PARD3B: variants seen among roughly 807,000 people sequenced by gnomAD.
The protein encoded by PARD3B is par-3 family cell polarity regulator beta.
PARD3B carries 103 observed loss-of-function variants against 130.2 expected under a neutral mutation model. That is an observed-to-expected ratio of 0.79 (90% CI 0.67 to 0.93). The LOEUF is 0.93. Ranked by LOEUF, PARD3B falls within the 40% of genes least tolerant of loss-of-function variation. The pLI, the probability that PARD3B is intolerant of heterozygous loss-of-function variation, is 0.00. For missense variants in PARD3B, 1,609 were observed against 1,499.2 expected, an observed-to-expected ratio of 1.07 and a Z score of -1.21; for synonymous variants, 583 against 553.2, an observed-to-expected ratio of 1.05 and a Z score of -0.76.
chr2:204,681,395 C>T (rs1292556093), intron 1 of PARD3B, among the ~76,000 whole-genome samples: 3 of 152,028 alleles, frequency 2.0e-5, no homozygotes, highest in African/African-American at 4.8e-5. Flanking sequence ...ACTCCGGGTC[C>T]CATTCTAGTT....
intron 1 of PARD3B, among the ~76,000 whole-genome samples, chr2:204,647,915 T>C (rs1451221917): frequency 4.0e-5 from 6 of 151,672 alleles, no homozygotes; most frequent in Admixed American, 3.3e-4. Flanking sequence ...TTCTAGAGTC[T>C]ACACATTATT....
At chr2:205,602,537 A>G (rs2054829072) in intron 22 of PARD3B, among the ~76,000 whole-genome samples, 4 of 152,192 alleles carry the variant, frequency 2.6e-5, no homozygotes, top group Admixed American at 1.3e-4. Flanking sequence ...GCTATTTATT[A>G]CTGCCTCAAT....
chr2:204,555,628 C>T (rs367705217), intron 1 of PARD3B, among the ~76,000 whole-genome samples: 2 of 152,104 alleles, frequency 1.3e-5, no homozygotes, highest in East Asian at 3.9e-4. Flanking sequence ...ATCATCGAAC[C>T]TGGAAGGTCT....
intron 2 of PARD3B, among the ~76,000 whole-genome samples, chr2:204,842,508 G>A (rs186344665): frequency 3.9e-5 from 6 of 152,194 alleles, no homozygotes; most frequent in Admixed American, 3.9e-4. Context: ...AAAGGTAAGA[G>A]GATCTGTGCC....
chr2:205,189,870 G>A (rs2036298738), intron 14 of PARD3B, among the ~76,000 whole-genome samples: 1 of 90,134 alleles, frequency 1.1e-5, no homozygotes, highest in East Asian at 3.5e-4. Flanking sequence ...GCAGCAAAGG[G>A]GGGGCCCTTT....
chr2:205,378,632 TTTC>T (rs2045170670), intron 18 of PARD3B, among the ~76,000 whole-genome samples: 1 of 134,234 alleles, frequency 7.4e-6, no homozygotes, highest in African/African-American at 3.6e-5. Flanking sequence ...ATGATTTTTT[TTTC>T]TTTTTTTTTT....
At chr2:205,387,188 A>G (rs1353560815) in intron 18 of PARD3B, among the ~76,000 whole-genome samples, 2 of 152,170 alleles carry the variant, frequency 1.3e-5, no homozygotes, top group Non-Finnish European at 2.9e-5. Flanking sequence ...AATCCCCTTG[A>G]AAATGTTGCC....
At chr2:205,093,347 A>G (rs544192889) in intron 4 of PARD3B, among the ~76,000 whole-genome samples, 1 of 152,194 alleles carries the variant, frequency 6.6e-6, no homozygotes, top group East Asian at 1.9e-4. Context: ...CTCATTCCCC[A>G]CCTCAAAGCT....
intron 2 of PARD3B, among the ~76,000 whole-genome samples, chr2:204,733,680 C>T (rs962041918): frequency 1.3e-5 from 2 of 152,074 alleles, no homozygotes; most frequent in East Asian, 1.9e-4. Context: ...GTGGTATTGA[C>T]GTTAGGTTAG....
intron 19 of PARD3B, among the ~76,000 whole-genome samples, chr2:205,433,137 T>G (rs2047394179): frequency 6.6e-6 from 1 of 152,236 alleles, no homozygotes; most frequent in South Asian, 2.1e-4. Context: ...GAGAATTATA[T>G]ATAACTCAAT....
intron 1 of PARD3B, among the ~76,000 whole-genome samples, chr2:204,607,052 T>G (rs945107592): frequency 3.3e-5 from 5 of 152,188 alleles, no homozygotes; most frequent in African/African-American, 1.2e-4. Flanking sequence ...ATACCAGAAT[T>G]ACCACTGAGG....
At chr2:204,921,601 A>T (rs1374492146) in intron 2 of PARD3B, among the ~76,000 whole-genome samples, 1 of 152,162 alleles carries the variant, frequency 6.6e-6, no homozygotes, top group Non-Finnish European at 1.5e-5. Flanking sequence ...TATCAGTGAA[A>T]TAGCAGTTAT....
At chr2:205,604,537 C>T (rs1012675951) in intron 22 of PARD3B, among the ~76,000 whole-genome samples, 2 of 152,168 alleles carry the variant, frequency 1.3e-5, no homozygotes, top group African/African-American at 4.8e-5. Context: ...GGTGGGGACA[C>T]AGCCAAACCA....
chr2:205,102,952 CAGCCACTCGGGAGGCTG>C (rs961826426), intron 4 of PARD3B, among the ~76,000 whole-genome samples: 26 of 152,020 alleles, frequency 1.7e-4, no homozygotes, highest in African/African-American at 6.3e-4. Flanking sequence ...CCTGTAATCC[CAGCCACTCGGGAGGCTG>C]AGCCAGGAGA....
rs1392535119 is a variant in PARD3B, at chr2:205,149,103, AC to A, written c.1435-9618del. On this transcript the variant is annotated intron_variant, in intron 10 of 22. Transcript: ENST00000406610. ...GATTCCAGAGATGGCCTTATTTGGA[AC>A]ACTCTTAAGGTAATAGTATGGATGT... Among the ~76,000 whole-genome samples the A allele has an allele frequency of 6.6e-5, 10 of 152,264 alleles. No homozygotes were observed. In the East Asian group the frequency reaches 7.7e-4, roughly 12 times the overall value.
chr2:204,895,379 C>G (rs958674025), intron 2 of PARD3B, among the ~76,000 whole-genome samples: 3 of 151,908 alleles, frequency 2.0e-5, no homozygotes, highest in African/African-American at 7.2e-5. Context: ...TTTGCATTAC[C>G]TAGCCCTTTA....
At chr2:204,685,443 T>G (rs1214919925) in intron 1 of PARD3B, among the ~76,000 whole-genome samples, 1 of 152,214 alleles carries the variant, frequency 6.6e-6, no homozygotes, top group Non-Finnish European at 1.5e-5. Flanking sequence ...CGTAAGTAAC[T>G]GAATGAGCTA....
intron 2 of PARD3B, among the ~76,000 whole-genome samples, chr2:204,829,841 T>C (rs1265862672): frequency 6.6e-6 from 1 of 151,688 alleles, no homozygotes; most frequent in Non-Finnish European, 1.5e-5. Flanking sequence ...CTACTAAAAA[T>C]ACAAAAAATT....
intron 2 of PARD3B, among the ~76,000 whole-genome samples, chr2:204,942,739 G>C (rs1689001548): frequency 6.6e-6 from 1 of 151,884 alleles, no homozygotes; most frequent in Non-Finnish European, 1.5e-5. Context: ...ATTCAAGACT[G>C]GTATAAATAT....
Sources: allele counts gnomAD v4.1 joint callset (sites outside exome capture counted in the v4.1 genomes callset), GRCh38; gene constraint gnomAD v4.1.1; transcripts MANE v1.5; gene names NCBI Gene and HGNC (gene_info 2026-07-23, HGNC 2026-07-21).